The following THEM5 variants were observed in gnomAD, a reference collection of about 807,000 sequenced individuals.
THEM5 encodes thioesterase superfamily member 5, also known as acyl-coenzyme A thioesterase THEM5.
In THEM5, 28 loss-of-function variants were observed where a neutral mutation model predicts 24.2. That is an observed-to-expected ratio of 1.16 (90% CI 0.86 to 1.59). The LOEUF is 1.59. THEM5 is among the 40% of genes most tolerant of loss of function. The pLI, the probability that THEM5 is intolerant of heterozygous loss-of-function variation, is 0.00. For synonymous variants in THEM5, 87 were observed against 114.5 expected (o/e 0.76, Z 1.53); for missense variants, 260 against 296.8 (o/e 0.88, Z 0.91).
At position 151,853,498 on chromosome 1, in the gene THEM5, C is replaced by T. The variant is rs368052106; in HGVS notation, c.68G>A (p.Arg23His). Residue 23 changes from arginine to histidine, a missense_variant, in exon 1 of 6, where the codon CGT (arginine) becomes CAT (histidine). Physicochemically the swap from Arg to His is conservative, Grantham distance 29. Coordinates refer to ENST00000368817, the MANE Select transcript of THEM5 (RefSeq NM_182578.4). The part of the protein sequence containing the change: ...GHHRGLLEAP[R>H]ILPRLNPASA... ...GGCAGGGTTGAGTCTGGGCAGGATA[C>T]GGGGGGCCTCAAGAAGGCCTCTGTG... is the stretch of plus-strand genomic sequence containing the variant. The T allele has an allele frequency of 1.9e-5, 30 of 1,613,550 alleles. No homozygotes were observed. Among genetic ancestry groups the T allele is most frequent in the South Asian group, 3.3e-5 (3 of 91,022 alleles).
chr1:151,847,360 C>T lies in THEM5; in HGVS notation c.*11G>A, dbSNP rs768900497. The T allele has an allele frequency of 6.2e-7, 1 of 1,613,440 alleles. No individual in the cohort carries two copies. The highest frequency in any genetic ancestry group is 2.2e-5 in the East Asian group (1 of 44,818). ...GGGGAGGCAGTGGCTCTCCTGCAGGCACAGTGACTGTTACTGGGGAGACTC... is the reference window on the plus strand; with the variant it reads ...GGGGAGGCAGTGGCTCTCCTGCAGGTACAGTGACTGTTACTGGGGAGACTC... On this transcript the variant is annotated 3_prime_UTR_variant, in exon 6 of 6. Coordinates refer to ENST00000368817, the MANE Select transcript of THEM5 (RefSeq NM_182578.4).
At position 151,847,712 on chromosome 1, in the gene THEM5, T is replaced by TG. The variant is rs759087377; in HGVS notation, c.700+25dup. 7 of 1,593,070 alleles carry TG rather than the reference T, an allele frequency of 4.4e-6. No individual in the cohort carries two copies. In the African/African-American group the frequency reaches 8.5e-5, roughly 19 times the overall value. On this transcript the variant is annotated intron_variant, in intron 5 of 5. Coordinates refer to ENST00000368817, the MANE Select transcript of THEM5 (RefSeq NM_182578.4). ...GGGTGGGTGGTGGTGGGACGGGGCC[T>TG]GGGGCTGGGCTGGGGGCTCCTTTAC...
At position 151,852,426 on chromosome 1, in the gene THEM5, T is replaced by C; in HGVS notation, c.157A>G (p.Lys53Glu). 6.2e-7 allele frequency: 1 copy of C among 1,614,072 alleles called. No individual in the cohort carries two copies. Among genetic ancestry groups the C allele is most frequent in the Non-Finnish European group, 8.5e-7 (1 of 1,180,014 alleles). The change falls in exon 2 of 6, where the codon AAG (lysine) becomes GAG (glutamate). Residue 53 changes from lysine to glutamate, a missense_variant. Transcript: ENST00000368817. ...SRFLPEKTDL[K>E]DYALPNASWC... is the part of the protein sequence containing the mutation. ...CTGGCATTGGGAAGAGCATAATCCT[T>C]CAAGTCTGTCTTCTCTGGCAAGAAT...
intron 4 of THEM5, 119 bp from the exon 5 acceptor site, chr1:151,847,981 T>C (rs866529068): frequency 1.3e-6 from 2 of 1,534,922 alleles, no homozygotes; most frequent in African/African-American, 2.7e-5. Flanking sequence ...GAAGTGGCCC[T>C]GGGCTCAGGG....
intron 2 of THEM5, 66 bp from the exon 3 acceptor site, chr1:151,851,257 G>T: frequency 1.2e-6 from 2 of 1,600,276 alleles, no homozygotes; most frequent in South Asian, 2.2e-5. Context: ...AGCACCATTT[G>T]GTTGAGTCTT....
At chr1:151,849,239 G>T (rs1055740028) in intron 3 of THEM5, among the ~76,000 whole-genome samples, 3 of 147,050 alleles carry the variant, frequency 2.0e-5, no homozygotes, top group African/African-American at 5.0e-5. Flanking sequence ...AAAAAAAAAA[G>T]CGTAAAATGT....
chr1:151,850,017 T>C (rs1653065120), intron 3 of THEM5, among the ~76,000 whole-genome samples: 1 of 152,184 alleles, frequency 6.6e-6, no homozygotes, highest in Non-Finnish European at 1.5e-5. Flanking sequence ...TCTGAGCAAT[T>C]CACTAGTATC....
chr1:151,853,352 G>C, intron 1 of THEM5, 91 bp downstream of exon 1: 1 of 1,478,064 alleles, frequency 6.8e-7, no homozygotes, highest in Non-Finnish European at 9.0e-7. Context: ...CACCTGCCCT[G>C]GCCATGGGCT....
At chr1:151,850,964 T>C in intron 3 of THEM5, 89 bp downstream of exon 3, 7 of 1,518,956 alleles carry the variant, frequency 4.6e-6, no homozygotes, top group Non-Finnish European at 6.2e-6. Flanking sequence ...TAGAGAAAGA[T>C]AGAGACTCCA....
At position 151,853,464 on chromosome 1, in the gene THEM5, A is replaced by C. The variant is rs1381508585; in HGVS notation, c.102T>G (p.Phe34Leu). The change falls in exon 1 of 6, where the codon TTT becomes TTG. Residue 34 changes from phenylalanine to leucine, a missense_variant. By Grantham distance (22) the Phe-to-Leu change is conservative (BLOSUM62 0). Transcript: ENST00000368817. ...TCACCATGGAGTCTGTGGAGGATCC[A>C]AATGCTGAGGCAGGGTTGAGTCTGG... ...ILPRLNPASA[F>L]GSSTDSMFSR... The C allele has an allele frequency of 6.2e-7, 1 of 1,614,006 alleles. No homozygotes were observed. The highest frequency in any genetic ancestry group is 8.5e-7 in the Non-Finnish European group (1 of 1,179,938).
At chr1:151,848,586 A>C (rs767221716) in intron 3 of THEM5, among the ~76,000 whole-genome samples, 1 of 152,370 alleles carries the variant, frequency 6.6e-6, no homozygotes. Flanking sequence ...TGATAAAGTT[A>C]ATAGAAAACA....
chr1:151,853,590 G>A lies in THEM5; in HGVS notation c.-25C>T. 6 of 1,599,166 alleles carry A rather than the reference G, an allele frequency of 3.8e-6. No individual in the cohort carries two copies. Among genetic ancestry groups the A allele is most frequent in the Non-Finnish European group, 5.1e-6 (6 of 1,172,076 alleles). On this transcript the variant is annotated 5_prime_UTR_variant, in exon 1 of 6. Transcript: ENST00000368817. Reference sequence around the variant, plus strand: ...TGGCCAAGTGCAAGGATCCAGCCCTGCTTGGATGGAGGGTCTTGGCTGACT... The same window carrying A: ...TGGCCAAGTGCAAGGATCCAGCCCTACTTGGATGGAGGGTCTTGGCTGACT...
In THEM5 at chr1:151,850,956, G is replaced by C. The variant is rs1420661747; in HGVS notation, c.464+97C>G. 18 of 1,475,742 alleles carry C rather than the reference G, an allele frequency of 1.2e-5. No individual in the cohort carries two copies. The Admixed American group carries it at 3.5e-4, about 29-fold the overall frequency. The allele number at this position is 1,475,742 out of a possible 1,614,324, so 91.4% of individuals were successfully genotyped here. A position where few individuals can be genotyped will look rare whatever the true frequency, so the allele number is the denominator to read the frequency against. On this transcript the variant is annotated intron_variant, in intron 3 of 5. Coordinates refer to ENST00000368817, the MANE Select transcript of THEM5 (RefSeq NM_182578.4). ...CCCACACTCCCTTCCTCACCCCTTA[G>C]AGAAAGATAGAGACTCCAGGGCCAG... is the stretch of plus-strand genomic sequence containing the variant.
At chr1:151,848,840 C>T (rs1264231210) in intron 3 of THEM5, among the ~76,000 whole-genome samples, 1 of 152,232 alleles carries the variant, frequency 6.6e-6, no homozygotes, top group African/African-American at 2.4e-5. Flanking sequence ...AGCGTTGCCA[C>T]AGAAAGCAGA....
intron 3 of THEM5, chr1:151,850,415 G>C (rs1250956827): frequency 6.6e-6 from 1 of 152,496 alleles, no homozygotes; most frequent in Admixed American, 6.5e-5. Context: ...AGAGTAGAGT[G>C]GAGAGAACAG....
chr1:151,850,965 A>G, intron 3 of THEM5, 88 bp downstream of exon 3: 1 of 1,519,992 alleles, frequency 6.6e-7, no homozygotes, highest in South Asian at 1.2e-5. Flanking sequence ...AGAGAAAGAT[A>G]GAGACTCCAG....
rs1326762475 is a variant in THEM5 at position 151,851,308 on chromosome 1, C to T, written c.326-117G>A. 5 of 1,346,274 alleles carry T rather than the reference C, an allele frequency of 3.7e-6. No homozygotes were observed. In the East Asian group the frequency reaches 1.2e-4, roughly 31 times the overall value. 83.4% of individuals were successfully genotyped at this position (1,346,274 alleles called of 1,614,324 possible). A position where few individuals can be genotyped will look rare whatever the true frequency, so the allele number is the denominator to read the frequency against. On this transcript the variant is annotated intron_variant, in intron 2 of 5. Transcript: ENST00000368817. The stretch of plus-strand genomic sequence containing the variant: ...TTAAGGAGAGAAAACCAGAGGACAC[C>T]AGGTCCACCCCCAGGGAGCCTTCCC...
chr1:151,847,607 G>A lies in THEM5; in HGVS notation c.700+131C>T, dbSNP rs889002366. On this transcript the variant is annotated intron_variant, in intron 5 of 5. Coordinates refer to ENST00000368817, the MANE Select transcript of THEM5 (RefSeq NM_182578.4). ...TGCTTCATCTGTGTCCCTAGTAGGT[G>A]CCCTATCCCACCCCTAAAGAAGCTG... is the stretch of plus-strand genomic sequence containing the variant. 18 of 1,386,156 alleles carry A rather than the reference G, an allele frequency of 1.3e-5. No individual in the cohort carries two copies. In the Admixed American group the frequency reaches 1.9e-4, roughly 14 times the overall value. 85.9% of individuals were successfully genotyped at this position (1,386,156 alleles called of 1,614,324 possible).
Position 151,847,364 on chromosome 1 carries a change from G to T in THEM5, c.*7C>A. 1 of 1,613,720 alleles carries T rather than the reference G, an allele frequency of 6.2e-7. No homozygotes were observed. Among genetic ancestry groups the T allele is most frequent in the South Asian group, 1.1e-5 (1 of 91,052 alleles). ...AGGCAGTGGCTCTCCTGCAGGCACAGTGACTGTTACTGGGGAGACTCTTCT... is the reference window on the plus strand; with the variant it reads ...AGGCAGTGGCTCTCCTGCAGGCACATTGACTGTTACTGGGGAGACTCTTCT... On this transcript the variant is annotated 3_prime_UTR_variant, in exon 6 of 6. Coordinates refer to ENST00000368817, the MANE Select transcript of THEM5 (RefSeq NM_182578.4).
Sources: gnomAD v4.1 joint callset for allele counts (sites outside exome capture counted in the v4.1 genomes callset) on GRCh38, gnomAD v4.1.1 for gene constraint, MANE v1.5 for transcripts, NCBI Gene and HGNC (gene_info 2026-07-23, HGNC 2026-07-21) for gene names.